Variants in TRPM3 observed in about 807,000 individuals in gnomAD.
TRPM3 encodes transient receptor potential cation channel subfamily M member 3, also known as long transient receptor potential channel 3.
A neutral mutation model predicts 181.2 loss-of-function variants in TRPM3; 77 were observed. That is an observed-to-expected ratio of 0.42 (90% CI 0.35 to 0.51). The LOEUF (loss-of-function observed/expected upper bound fraction) is 0.51, where lower values mean the gene tolerates loss of function less well. Among genes scored for constraint, TRPM3 ranks in the 20% least tolerant of loss-of-function variants. TRPM3 has a pLI of 0.01. For synonymous variants in TRPM3, 745 were observed against 796.4 expected, an observed-to-expected ratio of 0.94 and a Z score of 1.09; for missense variants, 1,759 against 2,196.7, an observed-to-expected ratio of 0.80 and a Z score of 3.98.
intron 1 of TRPM3, among the ~76,000 whole-genome samples, chr9:71,200,256 G>A (rs993580433): frequency 6.6e-6 from 1 of 151,782 alleles, no homozygotes; most frequent in Non-Finnish European, 1.5e-5. Context: ...TATAATTTCT[G>A]TTCTTTTACA....
At chr9:70,634,999 G>A (rs761767431) in intron 12 of TRPM3, among the ~76,000 whole-genome samples, 3 of 152,124 alleles carry the variant, frequency 2.0e-5, no homozygotes, top group South Asian at 4.2e-4. Context: ...CTAAAAGCAC[G>A]GCGATTGGAG....
intron 1 of TRPM3, among the ~76,000 whole-genome samples, chr9:70,967,063 C>T (rs2097192793): frequency 6.6e-6 from 1 of 151,054 alleles, no homozygotes; most frequent in Non-Finnish European, 1.5e-5. Context: ...AGCAGTTTTC[C>T]CTTGTGAAAT....
At chr9:70,821,447 A>G (rs1169554268) in intron 6 of TRPM3, among the ~76,000 whole-genome samples, 3 of 152,234 alleles carry the variant, frequency 2.0e-5, no homozygotes, top group Non-Finnish European at 4.4e-5. Context: ...ATCAGGATAC[A>G]TAGATGCTAC....
intron 1 of TRPM3, among the ~76,000 whole-genome samples, chr9:70,874,962 A>G (rs981269932): frequency 6.6e-6 from 1 of 151,864 alleles, no homozygotes; most frequent in African/African-American, 2.4e-5. Flanking sequence ...CCTAACTACT[A>G]TTAAGTGTTC....
intron 1 of TRPM3, among the ~76,000 whole-genome samples, chr9:71,417,388 C>T (rs1401265075): frequency 1.3e-4 from 19 of 151,808 alleles, no homozygotes; most frequent in Non-Finnish European, 2.5e-4. Context: ...CCCTGATAAA[C>T]GAATGGTATT....
chr9:70,613,447 G>A (rs1484821216), intron 18 of TRPM3, among the ~76,000 whole-genome samples: 2 of 152,196 alleles, frequency 1.3e-5, no homozygotes, highest in Admixed American at 6.5e-5. Flanking sequence ...CATTCCAAGA[G>A]AGGATATACT....
At chr9:71,319,633 G>A (rs566723911) in intron 1 of TRPM3, among the ~76,000 whole-genome samples, 3 of 152,076 alleles carry the variant, frequency 2.0e-5, no homozygotes, top group East Asian at 3.9e-4. Context: ...TGTCTTACCC[G>A]CTTACCTGGA....
At chr9:71,345,492 A>C (rs1239504591) in intron 1 of TRPM3, among the ~76,000 whole-genome samples, 1 of 152,180 alleles carries the variant, frequency 6.6e-6, no homozygotes, top group Non-Finnish European at 1.5e-5. Context: ...ACACAGCAAC[A>C]GAAAACCAAA....
intron 1 of TRPM3, among the ~76,000 whole-genome samples, chr9:71,220,649 A>G (rs1186353151): frequency 2.0e-5 from 3 of 152,106 alleles, no homozygotes; most frequent in African/African-American, 7.2e-5. Context: ...CACTCCTTAC[A>G]AGCTATGTTC....
At chr9:70,872,178 CTTG>C (rs2095800260) in intron 1 of TRPM3, among the ~76,000 whole-genome samples, 1 of 151,894 alleles carries the variant, frequency 6.6e-6, no homozygotes, top group Non-Finnish European at 1.5e-5. Context: ...ATATTCAACT[CTTG>C]TTGTAGCATA....
intron 1 of TRPM3, among the ~76,000 whole-genome samples, chr9:70,907,505 T>C (rs565363403): frequency 6.6e-6 from 1 of 152,300 alleles, no homozygotes; most frequent in East Asian, 1.9e-4. Flanking sequence ...TAGGCATCAA[T>C]TGCAACAGCA....
intron 1 of TRPM3, among the ~76,000 whole-genome samples, chr9:70,906,748 C>CA (rs2096470325): frequency 6.6e-6 from 1 of 152,126 alleles, no homozygotes; most frequent in Non-Finnish European, 1.5e-5. Flanking sequence ...ACTAAAAATA[C>CA]AAAAAATAGC....
chr9:71,167,316 T>C (rs1167578223), intron 1 of TRPM3, among the ~76,000 whole-genome samples: 1 of 152,208 alleles, frequency 6.6e-6, no homozygotes, highest in Non-Finnish European at 1.5e-5. Flanking sequence ...CCACTAGGTA[T>C]GAAATGAAGA....
At chr9:70,671,866 C>T (rs1017534505) in intron 9 of TRPM3, among the ~76,000 whole-genome samples, 4 of 151,820 alleles carry the variant, frequency 2.6e-5, no homozygotes, top group Admixed American at 6.6e-5. Flanking sequence ...CCACTTCAAG[C>T]GTTTCTCCTG....
intron 1 of TRPM3, among the ~76,000 whole-genome samples, chr9:71,236,921 C>T (rs943996490): frequency 4.0e-5 from 6 of 151,754 alleles, no homozygotes; most frequent in Admixed American, 6.6e-5. Flanking sequence ...ATGGTGGGTG[C>T]CTGTAATCCC....
At chr9:70,579,424 A>T (rs867969231) in intron 22 of TRPM3, 1 of 152,284 alleles carries the variant, frequency 6.6e-6, no homozygotes, top group African/African-American at 2.4e-5. Flanking sequence ...TAACCTCACG[A>T]GTAGCTGTGA....
chr9:71,289,408 C>A (rs1029127526), intron 1 of TRPM3, among the ~76,000 whole-genome samples: 1 of 152,088 alleles, frequency 6.6e-6, no homozygotes, highest in Non-Finnish European at 1.5e-5. Context: ...AGATGAAGCA[C>A]ACCTGAGGAA....
At chr9:71,074,445 T>C (rs924104415) in intron 1 of TRPM3, among the ~76,000 whole-genome samples, 14 of 152,224 alleles carry the variant, frequency 9.2e-5, no homozygotes, top group African/African-American at 3.1e-4. Flanking sequence ...GGCCCTATTA[T>C]GTTAATGGGA....
intron 1 of TRPM3, among the ~76,000 whole-genome samples, chr9:70,983,191 C>T (rs561240123): frequency 1.3e-5 from 2 of 152,248 alleles, no homozygotes; most frequent in East Asian, 3.9e-4. Flanking sequence ...TCTTGATGTT[C>T]ATGGCCCCAC....
Sources: allele counts gnomAD v4.1 joint callset (sites outside exome capture counted in the v4.1 genomes callset), GRCh38; gene constraint gnomAD v4.1.1; transcripts MANE v1.5; gene names NCBI Gene and HGNC (gene_info 2026-07-23, HGNC 2026-07-21).